Variants in LRP1B observed in about 807,000 individuals in gnomAD.
LRP1B encodes the protein low-density lipoprotein receptor-related protein 1B.
Under a neutral mutation model 556.6 loss-of-function variants are expected in LRP1B, and 217 were observed. The ratio of observed to expected loss-of-function variants is 0.39; its 90% confidence interval spans 0.35 to 0.44. The LOEUF is 0.44. Among genes scored for constraint, LRP1B ranks in the 20% least tolerant of loss-of-function variants. LRP1B has a pLI of 1.00. For missense variants in LRP1B, 5,053 were observed against 5,620.8 expected (o/e 0.90, Z 3.23); for synonymous variants, 2,047 against 1,865.8 (o/e 1.10, Z -2.50).
chr2:141,176,267 T>C (rs530401023), intron 7 of LRP1B, among the ~76,000 whole-genome samples: 1 of 152,014 alleles, frequency 6.6e-6, no homozygotes, highest in Non-Finnish European at 1.5e-5. Flanking sequence ...GGGGCAGTGG[T>C]GCAATGAGGT....
intron 41 of LRP1B, among the ~76,000 whole-genome samples, chr2:140,629,549 G>A (rs1367005557): frequency 2.0e-5 from 3 of 152,128 alleles, no homozygotes; most frequent in Non-Finnish European, 4.4e-5. Context: ...CCTGAGTCCA[G>A]TACATAAAAA....
chr2:140,538,566 T>C (rs1407536512), intron 45 of LRP1B, among the ~76,000 whole-genome samples: 1 of 146,696 alleles, frequency 6.8e-6, no homozygotes, highest in Non-Finnish European at 1.5e-5. Context: ...CAAAGATATA[T>C]TTCTTTTCTC....
At chr2:140,791,483 C>T (rs781261604) in intron 32 of LRP1B, among the ~76,000 whole-genome samples, 8 of 151,830 alleles carry the variant, frequency 5.3e-5, no homozygotes, top group Non-Finnish European at 7.4e-5. Flanking sequence ...TTGGACTTTC[C>T]GGCATTCTAG....
intron 2 of LRP1B, among the ~76,000 whole-genome samples, chr2:141,527,208 C>A (rs1198693055): frequency 6.6e-6 from 1 of 152,052 alleles, no homozygotes; most frequent in Non-Finnish European, 1.5e-5. Context: ...CCTTCACCAC[C>A]TATGACACCG....
At chr2:140,260,546 T>C (rs1017221871) in intron 86 of LRP1B, among the ~76,000 whole-genome samples, 1 of 151,808 alleles carries the variant, frequency 6.6e-6, no homozygotes, top group African/African-American at 2.4e-5. Context: ...CGTGCATATA[T>C]ACCTTTTATA....
chr2:142,031,330 A>ATTTTTATTT (rs1703690510), intron 1 of LRP1B, among the ~76,000 whole-genome samples: 1 of 117,050 alleles, frequency 8.5e-6, no homozygotes, highest in East Asian at 2.9e-4. Flanking sequence ...GATTATACTT[A>ATTTTTATTT]TTTTTTTTTT....
At chr2:141,053,590 G>GGTCTT (rs1231309555) in intron 10 of LRP1B, among the ~76,000 whole-genome samples, 2 of 151,934 alleles carry the variant, frequency 1.3e-5, no homozygotes, top group Non-Finnish European at 2.9e-5. Context: ...ATGGTGTTTG[G>GGTCTT]TGGAATGTTC....
At chr2:140,477,526 G>T (rs189490311) in intron 59 of LRP1B, among the ~76,000 whole-genome samples, 1 of 152,104 alleles carries the variant, frequency 6.6e-6, no homozygotes, top group East Asian at 1.9e-4. Flanking sequence ...GTGAAAAAGG[G>T]TTTCCATTAA....
chr2:141,807,732 T>C lies in LRP1B; in HGVS notation c.205+2547A>G, dbSNP rs540157653. On this transcript the variant is annotated intron_variant, in intron 2 of 90. Coordinates refer to ENST00000389484, the MANE Select transcript of LRP1B (RefSeq NM_018557.3). The stretch of plus-strand genomic sequence containing the variant: ...TCTGTGAACTGAAGGACCACCTTTT[T>C]ACACAAATTCAAGGTGGTATGTACA... Among the ~76,000 whole-genome samples the C allele has an allele frequency of 6.6e-5, 10 of 152,232 alleles. No homozygotes were observed. The South Asian group carries it at 1.9e-3, about 28-fold the overall frequency.
chr2:141,279,157 T>C lies in LRP1B; in HGVS notation c.344-24516A>G, dbSNP rs147717696. On this transcript the variant is annotated intron_variant, in intron 3 of 90. Coordinates refer to ENST00000389484, the MANE Select transcript of LRP1B (RefSeq NM_018557.3). ...TTTTTGGGGGATAGTAGGTATCTTA[T>C]ACAAACCATACAGAAACGAAGCAAA... Among the ~76,000 whole-genome samples the C allele has an allele frequency of 4.2e-3, 641 of 152,076 alleles. 6 individuals carry two copies. Among genetic ancestry groups the C allele is most frequent in the African/African-American group, 0.015 (611 of 41,494 alleles).
chr2:141,111,440 A>G (rs80050752), intron 7 of LRP1B, among the ~76,000 whole-genome samples: 9,081 of 152,244 alleles, frequency 0.06, 351 homozygotes, highest in South Asian at 0.11. Context: ...TCAACAGTCA[A>G]TATGAAAGGA....
At chr2:140,975,373 G>A (rs931695350) in intron 18 of LRP1B, among the ~76,000 whole-genome samples, 1 of 152,174 alleles carries the variant, frequency 6.6e-6, no homozygotes, top group African/African-American at 2.4e-5. Flanking sequence ...CATTTCTCAT[G>A]TGTCAGAGGA....
intron 2 of LRP1B, among the ~76,000 whole-genome samples, chr2:141,752,644 C>A (rs1019789416): frequency 1.3e-5 from 2 of 151,486 alleles, no homozygotes; most frequent in South Asian, 4.2e-4. Context: ...AAATCAAAAT[C>A]TTGGGTGGTG....
At chr2:141,548,005 A>T (rs1685614227) in intron 2 of LRP1B, among the ~76,000 whole-genome samples, 2 of 152,174 alleles carry the variant, frequency 1.3e-5, no homozygotes, top group African/African-American at 4.8e-5. Context: ...AACAAGGAAG[A>T]CTACAGAGAA....
At chr2:142,120,797 T>C (rs1412299132) in intron 1 of LRP1B, among the ~76,000 whole-genome samples, 1 of 152,136 alleles carries the variant, frequency 6.6e-6, no homozygotes, top group African/African-American at 2.4e-5. Context: ...ATTAATTCCA[T>C]TTTACAGACA....
At chr2:140,807,386 G>C (rs1319896022) in intron 32 of LRP1B, among the ~76,000 whole-genome samples, 1 of 151,866 alleles carries the variant, frequency 6.6e-6, no homozygotes, top group African/African-American at 2.4e-5. Context: ...TATCACCCAG[G>C]CTGGAATGCA....
chr2:141,833,624 G>C lies in LRP1B; in HGVS notation c.83-23223C>G, dbSNP rs74597595. On this transcript the variant is annotated intron_variant, in intron 1 of 90. Coordinates refer to ENST00000389484, the MANE Select transcript of LRP1B (RefSeq NM_018557.3). ...CTCAAGACAATAACAATTTAGCAAT[G>C]AGATTAAGCATAAATTAAAATTACA... Among the ~76,000 whole-genome samples, 181 of 151,866 alleles carry C rather than the reference G, an allele frequency of 1.2e-3. 1 individual carries two copies. The East Asian group carries it at 0.026, about 22-fold the overall frequency.
intron 2 of LRP1B, among the ~76,000 whole-genome samples, chr2:141,590,440 C>T (rs530317230): frequency 4.6e-5 from 7 of 152,122 alleles, no homozygotes; most frequent in African/African-American, 7.2e-5. Context: ...TAGGGGTTGT[C>T]GGTGTTGCAG....
chr2:140,933,424 G>A (rs901345095), intron 20 of LRP1B, among the ~76,000 whole-genome samples: 1 of 151,950 alleles, frequency 6.6e-6, no homozygotes, highest in African/African-American at 2.4e-5. Flanking sequence ...TCTCCATGTT[G>A]TTTATTTTTT....
Sources: allele counts gnomAD v4.1 joint callset (sites outside exome capture counted in the v4.1 genomes callset), GRCh38; gene constraint gnomAD v4.1.1; transcripts MANE v1.5; gene names NCBI Gene and HGNC (gene_info 2026-07-23, HGNC 2026-07-21).